NDUFAF6: variants seen among roughly 807,000 people sequenced by gnomAD.
The protein encoded by NDUFAF6 is NADH:ubiquinone oxidoreductase complex assembly factor 6, also known as NADH dehydrogenase (ubiquinone) complex I, assembly factor 6.
In NDUFAF6, 45 loss-of-function variants were observed where a neutral mutation model predicts 40.8. The observed-to-expected ratio is 1.10, with a 90% CI of 0.87 to 1.42. The LOEUF is 1.42. NDUFAF6 is among the 40% of genes most tolerant of loss of function. NDUFAF6 has a pLI of 0.00. For missense variants in NDUFAF6, 435 were observed against 418.5 expected (o/e 1.04, Z -0.34); for synonymous variants, 185 against 155.9 (o/e 1.19, Z -1.39).
chr8:94,937,953 A>G (rs1312209731), intron 1 of NDUFAF6, among the ~76,000 whole-genome samples: 2 of 152,230 alleles, frequency 1.3e-5, no homozygotes, highest in Non-Finnish European at 2.9e-5. Context: ...AATCTAGACC[A>G]GCACAGTGGC....
At chr8:95,100,097 C>G (rs1196653154), upstream of NDUFAF6, among the ~76,000 whole-genome samples, 1 of 152,022 alleles carries the variant, frequency 6.6e-6, no homozygotes, top group Non-Finnish European at 1.5e-5. Context: ...CAAGTGGGGA[C>G]TCAATCCAGG....
chr8:94,923,681 C>CTTT (rs34801186), intron 1 of NDUFAF6, among the ~76,000 whole-genome samples: 11 of 139,900 alleles, frequency 7.9e-5, no homozygotes, highest in African/African-American at 2.9e-4. Context: ...CTGAATTTTA[C>CTTT]TTTTTTTTTT....
intron 2 of NDUFAF6, among the ~76,000 whole-genome samples, chr8:94,995,934 C>T (rs1484058119): frequency 3.9e-5 from 6 of 152,162 alleles, no homozygotes; most frequent in Non-Finnish European, 7.4e-5. Context: ...CATGCCACCA[C>T]GCCCAGCCAA....
At chr8:95,009,386 C>G (rs1256654104) in intron 2 of NDUFAF6, among the ~76,000 whole-genome samples, 1 of 152,140 alleles carries the variant, frequency 6.6e-6, no homozygotes, top group Non-Finnish European at 1.5e-5. Flanking sequence ...ACTGTAGTCA[C>G]AGAAGAGATG....
intron 1 of NDUFAF6, among the ~76,000 whole-genome samples, chr8:95,028,996 G>A (rs1828509825): frequency 6.6e-6 from 1 of 152,158 alleles, no homozygotes; most frequent in Non-Finnish European, 1.5e-5. Context: ...AGATAGCAAG[G>A]TTACTGTTTG....
chr8:94,969,711 A>G (rs759417833), intron 1 of NDUFAF6, among the ~76,000 whole-genome samples: 3 of 152,236 alleles, frequency 2.0e-5, no homozygotes, highest in Non-Finnish European at 4.4e-5. Flanking sequence ...ATTAGAATAT[A>G]TTGATATCAA....
At chr8:94,962,321 C>T (rs1368219458) in intron 1 of NDUFAF6, among the ~76,000 whole-genome samples, 2 of 152,240 alleles carry the variant, frequency 1.3e-5, no homozygotes, top group Non-Finnish European at 2.9e-5. Context: ...GAGACAGAGT[C>T]TTGCTCTATA....
At chr8:95,000,676 T>A (rs774291935) in intron 2 of NDUFAF6, among the ~76,000 whole-genome samples, 27 of 148,418 alleles carry the variant, frequency 1.8e-4, no homozygotes, top group Non-Finnish European at 3.7e-4. Context: ...TGGCTTACAC[T>A]TGTAATCCCA....
chr8:95,056,899 C>G (rs1230581372), intron 8 of NDUFAF6, among the ~76,000 whole-genome samples: 2 of 57,972 alleles, frequency 3.4e-5, no homozygotes, highest in East Asian at 6.6e-4. Flanking sequence ...CAGCGAGACT[C>G]TGTCTCAAAA....
intron 2 of NDUFAF6, among the ~76,000 whole-genome samples, chr8:95,017,817 C>T (rs1827526834): frequency 6.6e-6 from 1 of 152,106 alleles, no homozygotes; most frequent in Non-Finnish European, 1.5e-5. Flanking sequence ...TAAAAATGAA[C>T]AATCCAACAG....
upstream of NDUFAF6, among the ~76,000 whole-genome samples, chr8:95,021,459 G>T (rs1827689424): frequency 6.6e-6 from 1 of 152,198 alleles, no homozygotes; most frequent in African/African-American, 2.4e-5. Flanking sequence ...TTCCCTAGAA[G>T]AATGTTTTGT....
At chr8:95,038,757 A>G (rs1194544767) in intron 3 of NDUFAF6, among the ~76,000 whole-genome samples, 1 of 152,052 alleles carries the variant, frequency 6.6e-6, no homozygotes, top group Non-Finnish European at 1.5e-5. Context: ...AGCTCACTGC[A>G]ACGTCTGCTT....
intron 1 of NDUFAF6, among the ~76,000 whole-genome samples, chr8:94,935,840 T>C (rs937153501): frequency 6.6e-6 from 1 of 152,198 alleles, no homozygotes; most frequent in African/African-American, 2.4e-5. Flanking sequence ...AAATGTTTTA[T>C]GAGAATGGAT....
At chr8:95,114,704 G>A (rs9987108) in intron 4 of NDUFAF6, among the ~76,000 whole-genome samples, 86,137 of 151,988 alleles carry the variant, frequency 0.57, 25,675 homozygotes, top group East Asian at 1. Flanking sequence ...TGATAATTAT[G>A]TTCTTTCCTT....
At chr8:95,115,167 T>G (rs1810104250) in intron 4 of NDUFAF6, among the ~76,000 whole-genome samples, 1 of 152,222 alleles carries the variant, frequency 6.6e-6, no homozygotes, top group Non-Finnish European at 1.5e-5. Context: ...TCTTTTTATG[T>G]TTAATCAATC....
At chr8:94,969,705 G>A (rs1379883960) in intron 1 of NDUFAF6, among the ~76,000 whole-genome samples, 1 of 152,076 alleles carries the variant, frequency 6.6e-6, no homozygotes, top group Non-Finnish European at 1.5e-5. Flanking sequence ...TGCAAAATTA[G>A]AATATATTGA....
At chr8:95,069,849 T>C (rs1029205775) in intron 9 of NDUFAF6, among the ~76,000 whole-genome samples, 20 of 147,736 alleles carry the variant, frequency 1.4e-4, no homozygotes, top group South Asian at 2.1e-4. Flanking sequence ...TAATATTATT[T>C]TTTTCCAAAG....
At chr8:94,978,146 G>A (rs1438584999) in intron 1 of NDUFAF6, among the ~76,000 whole-genome samples, 1 of 152,158 alleles carries the variant, frequency 6.6e-6, no homozygotes, top group Non-Finnish European at 1.5e-5. Context: ...TCAGCAGAAA[G>A]ACCAAGCCAT....
intron 2 of NDUFAF6, among the ~76,000 whole-genome samples, chr8:94,995,321 G>C (rs1183914563): frequency 6.6e-6 from 1 of 152,050 alleles, no homozygotes; most frequent in Non-Finnish European, 1.5e-5. Flanking sequence ...GAGGAAGGAG[G>C]GGCAATTAGT....
Sources: allele counts gnomAD v4.1 joint callset (sites outside exome capture counted in the v4.1 genomes callset), GRCh38; gene constraint gnomAD v4.1.1; transcripts MANE v1.5; gene names NCBI Gene and HGNC (gene_info 2026-07-23, HGNC 2026-07-21).